The following PADI4 variants were observed in gnomAD, a reference collection of about 807,000 sequenced individuals.
PADI4 encodes the protein protein-arginine deiminase type-4.
PADI4 carries 62 observed loss-of-function variants against 75.0 expected under a neutral mutation model. The ratio of observed to expected loss-of-function variants is 0.83; its 90% CI spans 0.67 to 1.02. The LOEUF (loss-of-function observed/expected upper bound fraction) is 1.02. PADI4 is among the 50% of genes least tolerant of loss of function. PADI4 has a pLI of 0.00. For missense variants in PADI4, 845 were observed against 850.5 expected (o/e 0.99, Z 0.08); for synonymous variants, 361 against 348.1 (o/e 1.04, Z -0.41).
intron 3 of PADI4, chr1:17,334,287 C>A: frequency 2.2e-6 from 1 of 446,646 alleles, no homozygotes. Context: ...CTTGGATTTT[C>A]AATATATGCA....
chr1:17,350,339 T>C (rs72637426), intron 10 of PADI4, among the ~76,000 whole-genome samples: 37,588 of 129,322 alleles, frequency 0.29, 11,160 homozygotes, highest in Non-Finnish European at 0.33. Flanking sequence ...TTAAACAGAA[T>C]GAAACAAGAT....
intron 10 of PADI4, among the ~76,000 whole-genome samples, chr1:17,351,786 G>A (rs955320660): frequency 5.3e-5 from 8 of 151,750 alleles, no homozygotes; most frequent in Non-Finnish European, 7.4e-5. Flanking sequence ...AAGGCCCTGG[G>A]GCAGGAGCAT....
At position 17,363,902 on chromosome 1, in the gene PADI4, C is replaced by G; in HGVS notation, c.*147C>G. ...GGCTTGCTTTCTTCTCCTGTGATGT[C>G]CCAGTTTCCCACTCTGAAGATCCCA... On this transcript the variant is annotated 3_prime_UTR_variant, in exon 16 of 16. Coordinates refer to ENST00000375448, the MANE Select transcript of PADI4 (RefSeq NM_012387.3). 1.7e-6 allele frequency: 1 copy of G among 601,242 alleles called. No individual in the cohort carries two copies. Among genetic ancestry groups the G allele is most frequent in the East Asian group, 2.8e-5 (1 of 35,546 alleles). The allele number at this position is 601,242 out of a possible 1,614,324, so 37.2% of individuals were successfully genotyped here.
chr1:17,323,737 A>G (rs112797936), intron 1 of PADI4, among the ~76,000 whole-genome samples: 6,579 of 152,064 alleles, frequency 0.043, 154 homozygotes, highest in African/African-American at 0.052. Flanking sequence ...GGAGGCTGAG[A>G]TGAGAGGCTA....
At chr1:17,318,903 T>C (rs1377459427) in intron 1 of PADI4, among the ~76,000 whole-genome samples, 1 of 152,098 alleles carries the variant, frequency 6.6e-6, no homozygotes, top group Non-Finnish European at 1.5e-5. Context: ...TTAGCCAGGA[T>C]GGTCTCGATC....
At chr1:17,326,571 G>T in intron 1 of PADI4, among the ~76,000 whole-genome samples, 1 of 152,224 alleles carries the variant, frequency 6.6e-6, no homozygotes, top group Admixed American at 6.5e-5. Flanking sequence ...CAGAGACTCT[G>T]CTACCCATAT....
chr1:17,353,409 G>T (rs2074701606), intron 10 of PADI4, among the ~76,000 whole-genome samples: 2 of 152,280 alleles, frequency 1.3e-5, no homozygotes, highest in South Asian at 4.1e-4. Flanking sequence ...GGTCAAAACT[G>T]CAGTGAAGAA....
At chr1:17,343,758 G>T (rs529253927) in intron 8 of PADI4, among the ~76,000 whole-genome samples, 1 of 152,138 alleles carries the variant, frequency 6.6e-6, no homozygotes, top group African/African-American at 2.4e-5. Flanking sequence ...TTCTCTTGCC[G>T]CCGCCATGTA....
chr1:17,351,844 A>G (rs2074631544), intron 10 of PADI4, among the ~76,000 whole-genome samples: 2 of 145,972 alleles, frequency 1.4e-5, no homozygotes, highest in African/African-American at 5.4e-5. Flanking sequence ...GGTAGAGCAG[A>G]GCAACCAGGA....
chr1:17,351,433 A>G (rs942511197), intron 10 of PADI4, among the ~76,000 whole-genome samples: 8 of 151,130 alleles, frequency 5.3e-5, no homozygotes, highest in Non-Finnish European at 7.4e-5. Flanking sequence ...TCTACAAAAA[A>G]AAAAAAAATT....
chr1:17,363,033 T>A lies in PADI4; in HGVS notation c.1759-489T>A, dbSNP rs530585528. 2.6e-5 allele frequency among the ~76,000 whole-genome samples: 4 copies of A among 152,266 alleles called. No homozygotes were observed. In the East Asian group the frequency reaches 7.8e-4, roughly 30 times the overall value. ...GGTTTCCCCATGTTGGCCAAGCTGG[T>A]CTCGAGCTCCTGACCTCAGGTGATC... On this transcript the variant is annotated intron_variant, in intron 15 of 15. Transcript: ENST00000375448.
In PADI4 at chr1:17,338,109, A is replaced by G. The variant is rs1328666713; in HGVS notation, c.480A>G (p.Glu160=). The stretch of plus-strand genomic sequence containing the variant: ...TGAACTGTGACAGAGACAATCTCGA[A>G]TCTTCTGCCATGGACTGCGAGGATG... ...LLVNCDRDNL[E]SSAMDCEDDE... Residue 160 remains glutamate (E), a synonymous_variant, in exon 5 of 16, where the codon GAA becomes GAG. Coordinates refer to ENST00000375448, the MANE Select transcript of PADI4 (RefSeq NM_012387.3). 1 of 1,613,298 alleles carries G rather than the reference A, an allele frequency of 6.2e-7. No homozygotes were observed. Among genetic ancestry groups the G allele is most frequent in the Non-Finnish European group, 8.5e-7 (1 of 1,179,508 alleles).
rs564855928 is a variant in PADI4 at position 17,345,310 on chromosome 1, G to T, written c.936-718G>T. ...AACTAGCTTGCTTTTGATTTTACAG[G>T]CTCATAGGAGGAAGGGACTTGCCCT... is the stretch of plus-strand genomic sequence containing the variant. On this transcript the variant is annotated intron_variant, in intron 8 of 15. Transcript: ENST00000375448. Among the ~76,000 whole-genome samples the T allele has an allele frequency of 2.6e-5, 4 of 152,312 alleles. No homozygotes were observed. In the South Asian group the frequency reaches 6.2e-4, roughly 24 times the overall value.
intron 8 of PADI4, among the ~76,000 whole-genome samples, chr1:17,343,152 A>T (rs1317509298): frequency 6.6e-6 from 1 of 152,214 alleles, no homozygotes; most frequent in Non-Finnish European, 1.5e-5. Context: ...GCACCATTGC[A>T]CTCTAGCCTG....
intron 15 of PADI4, among the ~76,000 whole-genome samples, chr1:17,362,674 C>A (rs1483430455): frequency 6.6e-6 from 1 of 152,036 alleles, no homozygotes; most frequent in Non-Finnish European, 1.5e-5. Flanking sequence ...TGCATATGTA[C>A]CCCCAAATCT....
chr1:17,333,193 A>G (rs2074246039), intron 2 of PADI4, among the ~76,000 whole-genome samples: 1 of 152,170 alleles, frequency 6.6e-6, no homozygotes, highest in South Asian at 2.1e-4. Flanking sequence ...CAGGGAGACC[A>G]GACAGAAGGC....
At chr1:17,360,573 C>T (rs2074834667) in intron 15 of PADI4, among the ~76,000 whole-genome samples, 1 of 152,208 alleles carries the variant, frequency 6.6e-6, no homozygotes, top group South Asian at 2.1e-4. Context: ...CTTCTGGTAT[C>T]TCACAACAAT....
At chr1:17,310,011 G>C (rs1237057544) in intron 1 of PADI4, among the ~76,000 whole-genome samples, 2 of 152,136 alleles carry the variant, frequency 1.3e-5, no homozygotes, top group Admixed American at 1.3e-4. Flanking sequence ...CAGAGAGGAA[G>C]GCACTGCCCA....
At chr1:17,308,389 G>A in intron 1 of PADI4, 75 bp downstream of exon 1, 6 of 1,181,632 alleles carry the variant, frequency 5.1e-6, no homozygotes, top group South Asian at 3.8e-5. Context: ...TGACACAGGA[G>A]CATGTGTTTG....
Sources: gnomAD v4.1 joint callset for allele counts (sites outside exome capture counted in the v4.1 genomes callset) on GRCh38, gnomAD v4.1.1 for gene constraint, MANE v1.5 for transcripts, NCBI Gene and HGNC (gene_info 2026-07-23, HGNC 2026-07-21) for gene names.